Variants in MRPL37 observed in about 807,000 individuals in gnomAD.
MRPL37 encodes large ribosomal subunit protein mL37.
Under a neutral mutation model 44.1 loss-of-function variants are expected in MRPL37, and 34 were observed. The ratio of observed to expected loss-of-function variants is 0.77; its 90% CI spans 0.59 to 1.03. MRPL37 has a LOEUF of 1.03. Among genes scored for constraint, MRPL37 ranks in the 50% least tolerant of loss-of-function variants. The pLI is 0.00. For synonymous variants in MRPL37, 212 were observed against 219.5 expected, an observed-to-expected ratio of 0.97 and a Z score of 0.30; for missense variants, 532 against 543.7, an observed-to-expected ratio of 0.98 and a Z score of 0.21.
At chr1:54,201,801 G>C (rs1322897641) in intron 1 of MRPL37, among the ~76,000 whole-genome samples, 3 of 152,178 alleles carry the variant, frequency 2.0e-5, no homozygotes, top group African/African-American at 7.2e-5. Context: ...TGCAGGTAAA[G>C]CTCCTGGCAC....
intron 1 of MRPL37, among the ~76,000 whole-genome samples, chr1:54,202,916 A>C (rs1388822061): frequency 2.6e-5 from 4 of 152,226 alleles, no homozygotes; most frequent in Non-Finnish European, 4.4e-5. Flanking sequence ...ATCATTGAGA[A>C]GAATATAGTA....
intron 3 of MRPL37, among the ~76,000 whole-genome samples, chr1:54,208,040 T>C (rs1644136406): frequency 1.3e-5 from 2 of 152,292 alleles, no homozygotes; most frequent in East Asian, 3.9e-4. Flanking sequence ...GCATGTGACC[T>C]CCTGTGGGGA....
chr1:54,211,763 G>A (rs1644167208), intron 4 of MRPL37, among the ~76,000 whole-genome samples: 1 of 152,206 alleles, frequency 6.6e-6, no homozygotes, highest in Non-Finnish European at 1.5e-5. Context: ...AAAGTGCTGG[G>A]ATTACCGGCA....
intron 6 of MRPL37, among the ~76,000 whole-genome samples, chr1:54,217,237 T>A (rs1284563161): frequency 6.6e-6 from 1 of 152,166 alleles, no homozygotes; most frequent in Non-Finnish European, 1.5e-5. Context: ...CTTGAACTGG[T>A]TCTCCAGCAG....
At chr1:54,225,140 T>C, downstream of MRPL37, 1 of 1,234,224 alleles carries the variant, frequency 8.1e-7, no homozygotes, top group Non-Finnish European at 1.0e-6. Flanking sequence ...TAAAAGACAT[T>C]CCAGCGGACC....
At chr1:54,221,398 T>C (rs182196498), downstream of MRPL37, among the ~76,000 whole-genome samples, 50 of 152,268 alleles carry the variant, frequency 3.3e-4, 1 homozygote, top group African/African-American at 1.2e-3. Context: ...CTCTTTAACA[T>C]GGACACTCAG....
intron 5 of MRPL37, among the ~76,000 whole-genome samples, chr1:54,213,831 T>TGAG (rs1644180628): frequency 6.6e-6 from 1 of 152,214 alleles, no homozygotes. Flanking sequence ...GAGGATCACT[T>TGAG]GAGGCCAGGA....
chr1:54,216,037 G>A (rs566589938), intron 5 of MRPL37, 104 bp from the exon 6 acceptor site: 13 of 1,168,340 alleles, frequency 1.1e-5, no homozygotes, highest in East Asian at 7.0e-5. Context: ...TTCAGTGGAC[G>A]TAGGTGGACG....
At chr1:54,201,258 C>T (rs1305915857) in intron 1 of MRPL37, among the ~76,000 whole-genome samples, 2 of 152,068 alleles carry the variant, frequency 1.3e-5, no homozygotes, top group African/African-American at 4.8e-5. Context: ...ACAGTATTTT[C>T]CAAGGAGTGA....
intron 1 of MRPL37, among the ~76,000 whole-genome samples, chr1:54,203,663 A>T (rs1644100449): frequency 6.6e-6 from 1 of 151,392 alleles, no homozygotes; most frequent in African/African-American, 2.4e-5. Context: ...TTTAGTAGAG[A>T]CGGGGTTTTA....
At chr1:54,212,801 C>A in intron 5 of MRPL37, 143 bp downstream of exon 5, 1 of 1,166,554 alleles carries the variant, frequency 8.6e-7, no homozygotes, top group Non-Finnish European at 1.2e-6. Context: ...TCAGCCCACC[C>A]TGTGGAGATG....
At chr1:54,218,462 G>A, downstream of MRPL37, 1 of 1,235,398 alleles carries the variant, frequency 8.1e-7, no homozygotes, top group South Asian at 1.6e-5. Flanking sequence ...TGCCCCAGCT[G>A]AAGCCCAGCT....
intron 4 of MRPL37, 76 bp from the exon 5 acceptor site, chr1:54,212,425 C>T (rs920774475): frequency 5.9e-6 from 9 of 1,536,806 alleles, no homozygotes; most frequent in African/African-American, 5.4e-5. Context: ...TGGGCTAAGG[C>T]GAGGTGACTT....
intron 6 of MRPL37, among the ~76,000 whole-genome samples, chr1:54,217,367 C>T (rs1570153831): frequency 6.6e-6 from 1 of 152,200 alleles, no homozygotes; most frequent in Non-Finnish European, 1.5e-5. Context: ...TGCTCTTAGT[C>T]AGGTTTTCCC....
rs1440091272 is a variant in MRPL37 at position 54,200,210 on chromosome 1, G to A, written c.-34G>A. The A allele has an allele frequency of 1.3e-6, 2 of 1,511,722 alleles. No homozygotes were observed. Among genetic ancestry groups the A allele is most frequent in the East Asian group, 4.5e-5 (2 of 44,048 alleles). The allele number at this position is 1,511,722 out of a possible 1,614,324, so 93.6% of individuals were successfully genotyped here. On this transcript the variant is annotated 5_prime_UTR_variant, in exon 1 of 7. Coordinates refer to ENST00000360840, the MANE Select transcript of MRPL37 (RefSeq NM_016491.4). Reference sequence around the variant, plus strand: ...GCCCTGCGCGCGGCAACATGGCGGGGTCCAGGTGGAGGTCTTGAGGCTATC... The same window carrying A: ...GCCCTGCGCGCGGCAACATGGCGGGATCCAGGTGGAGGTCTTGAGGCTATC...
downstream of MRPL37, among the ~76,000 whole-genome samples, chr1:54,220,087 T>G (rs1454665371): frequency 1.3e-5 from 2 of 152,054 alleles, no homozygotes; most frequent in East Asian, 3.9e-4. Flanking sequence ...AACACTCTGT[T>G]GGGAGTACAG....
intron 1 of MRPL37, 71 bp from the exon 2 acceptor site, chr1:54,204,947 T>A: frequency 6.6e-7 from 1 of 1,520,096 alleles, no homozygotes; most frequent in Non-Finnish European, 8.9e-7. Context: ...AGATGCTACC[T>A]GGCAGGTGTA....
chr1:54,217,983 G>A (rs898486260), intron 6 of MRPL37, among the ~76,000 whole-genome samples, 189 bp from the exon 7 acceptor site: 3 of 152,204 alleles, frequency 2.0e-5, no homozygotes, highest in African/African-American at 7.2e-5. Context: ...TTGGCTGAAG[G>A]GGGCTGGGAA....
At chr1:54,225,308 C>T (rs1388683319), downstream of MRPL37, 11 of 1,233,926 alleles carry the variant, frequency 8.9e-6, no homozygotes, top group East Asian at 9.5e-5. Context: ...AGAAGGCAGA[C>T]GCCTCAAACA....
Sources: allele counts gnomAD v4.1 joint callset (sites outside exome capture counted in the v4.1 genomes callset), GRCh38; gene constraint gnomAD v4.1.1; transcripts MANE v1.5; gene names NCBI Gene and HGNC (gene_info 2026-07-23, HGNC 2026-07-21).